TIAM1: variants seen among roughly 807,000 people sequenced by gnomAD.
The protein encoded by TIAM1 is TIAM Rac1 associated GEF 1, also known as rho guanine nucleotide exchange factor TIAM1.
In TIAM1, 65 loss-of-function variants were observed where a neutral mutation model predicts 163.5. That is an observed-to-expected ratio of 0.40 (90% confidence interval 0.33 to 0.49). The LOEUF is 0.49. Ranked by LOEUF, TIAM1 falls within the 20% of genes least tolerant of loss-of-function variation. The probability of loss-of-function intolerance (pLI) is 0.77; values close to 1 mark genes in which losing one functional copy is unlikely to be tolerated. For missense variants in TIAM1, 1,789 were observed against 2,044.7 expected (o/e 0.87, Z 2.41); for synonymous variants, 833 against 810.1 (o/e 1.03, Z -0.48).
chr21:31,232,925 G>T (rs1354208146), intron 6 of TIAM1, among the ~76,000 whole-genome samples: 1 of 151,776 alleles, frequency 6.6e-6, no homozygotes, highest in Non-Finnish European at 1.5e-5. Flanking sequence ...ATACAGTTCG[G>T]TGAAGGGAAT....
chr21:31,474,818 T>G (rs992339081), intron 1 of TIAM1, among the ~76,000 whole-genome samples: 4 of 151,932 alleles, frequency 2.6e-5, no homozygotes, highest in Non-Finnish European at 4.4e-5. Context: ...AGTGCTGGGA[T>G]TACAGGCCAC....
intron 4 of TIAM1, among the ~76,000 whole-genome samples, chr21:31,261,866 G>A (rs2072494345): frequency 6.6e-6 from 1 of 152,120 alleles, no homozygotes; most frequent in South Asian, 2.1e-4. Flanking sequence ...CCGAGAGCCG[G>A]GCTCCTTGCT....
At chr21:31,388,489 GAAATA>G (rs112227562) in intron 2 of TIAM1, among the ~76,000 whole-genome samples, 14 of 150,218 alleles carry the variant, frequency 9.3e-5, no homozygotes, top group African/African-American at 3.2e-4. Context: ...AAAAATAAAT[GAAATA>G]AAATAAAATA....
At chr21:31,348,466 T>G (rs1490768836), upstream of TIAM1, among the ~76,000 whole-genome samples, 1 of 152,186 alleles carries the variant, frequency 6.6e-6, no homozygotes, top group Non-Finnish European at 1.5e-5. Flanking sequence ...CACCGTCAAA[T>G]TACCTGAATC....
chr21:31,478,499 G>A (rs1363535113), intron 1 of TIAM1, among the ~76,000 whole-genome samples: 4 of 152,132 alleles, frequency 2.6e-5, no homozygotes, highest in South Asian at 2.1e-4. Context: ...ATATCCTGGC[G>A]ACTTGCTTTT....
intron 2 of TIAM1, among the ~76,000 whole-genome samples, chr21:31,383,491 C>T (rs939524746): frequency 1.3e-5 from 2 of 152,188 alleles, no homozygotes; most frequent in Non-Finnish European, 1.5e-5. Context: ...CCTCTTCACA[C>T]TTCAACAGTT....
intron 1 of TIAM1, among the ~76,000 whole-genome samples, chr21:31,543,439 T>G (rs1356399744): frequency 6.6e-6 from 1 of 152,186 alleles, no homozygotes; most frequent in African/African-American, 2.4e-5. Flanking sequence ...GGCTGAGACC[T>G]TGCCATCTAA....
chr21:31,539,818 T>C (rs530059041), intron 1 of TIAM1, among the ~76,000 whole-genome samples: 259 of 152,244 alleles, frequency 1.7e-3, no homozygotes, highest in Non-Finnish European at 2.7e-3. Context: ...TCTAATCTCT[T>C]TGCTTCTCCA....
At chr21:31,302,850 T>A (rs187389871) in intron 2 of TIAM1, among the ~76,000 whole-genome samples, 80 of 152,350 alleles carry the variant, frequency 5.3e-4, no homozygotes, top group African/African-American at 1.5e-3. Flanking sequence ...TCCTAATTGA[T>A]GTTGCTTGAA....
At chr21:31,519,685 AG>A (rs2047514052) in intron 1 of TIAM1, among the ~76,000 whole-genome samples, 1 of 152,310 alleles carries the variant, frequency 6.6e-6, no homozygotes, top group East Asian at 1.9e-4. Flanking sequence ...GATAAGCAAA[AG>A]GTGGCATATC....
At chr21:31,436,272 T>C (rs1437630891) in intron 2 of TIAM1, among the ~76,000 whole-genome samples, 2 of 152,224 alleles carry the variant, frequency 1.3e-5, no homozygotes, top group African/African-American at 4.8e-5. Context: ...TGTCCACCAC[T>C]GCCTCTGGCA....
At chr21:31,337,826 G>A (rs551103166) in intron 2 of TIAM1, among the ~76,000 whole-genome samples, 22 of 151,976 alleles carry the variant, frequency 1.4e-4, no homozygotes, top group South Asian at 8.3e-4. Context: ...CACCACACCC[G>A]GCCTATTATT....
At chr21:31,379,782 T>C (rs2076747098) in intron 2 of TIAM1, among the ~76,000 whole-genome samples, 1 of 152,182 alleles carries the variant, frequency 6.6e-6, no homozygotes, top group Admixed American at 6.5e-5. Flanking sequence ...AAAGACTCCA[T>C]ACTGCATAAT....
chr21:31,544,886 G>A (rs964886265), intron 1 of TIAM1, among the ~76,000 whole-genome samples: 4 of 152,094 alleles, frequency 2.6e-5, no homozygotes, highest in Admixed American at 6.5e-5. Flanking sequence ...GGCAGCATGC[G>A]CCTGTATTCC....
intron 11 of TIAM1, among the ~76,000 whole-genome samples, chr21:31,204,181 T>G (rs972405090): frequency 3.9e-5 from 6 of 152,212 alleles, no homozygotes; most frequent in African/African-American, 1.4e-4. Context: ...AGAAAATGTT[T>G]AAACCAAGTG....
chr21:31,428,035 G>A (rs2043861008), intron 2 of TIAM1, among the ~76,000 whole-genome samples: 1 of 152,156 alleles, frequency 6.6e-6, no homozygotes, highest in Admixed American at 6.5e-5. Flanking sequence ...GCCGAAGCGG[G>A]TGGATCACCT....
chr21:31,514,420 T>C (rs1204301927), intron 1 of TIAM1, among the ~76,000 whole-genome samples: 1 of 151,792 alleles, frequency 6.6e-6, no homozygotes, highest in African/African-American at 2.4e-5. Flanking sequence ...AAAAATCATA[T>C]TGATTTTTGA....
chr21:31,281,199 G>T (rs913545059), intron 2 of TIAM1, among the ~76,000 whole-genome samples: 3 of 151,286 alleles, frequency 2.0e-5, no homozygotes, highest in Admixed American at 6.6e-5. Context: ...AAAGGATACT[G>T]TATTGTATTT....
intron 2 of TIAM1, among the ~76,000 whole-genome samples, chr21:31,284,328 A>G (rs1350304883): frequency 1.3e-5 from 2 of 152,060 alleles, no homozygotes; most frequent in African/African-American, 4.8e-5. Flanking sequence ...CCAACAACTC[A>G]TTTTCCAAAA....
Sources: gnomAD v4.1 joint callset for allele counts (sites outside exome capture counted in the v4.1 genomes callset) on GRCh38, gnomAD v4.1.1 for gene constraint, MANE v1.5 for transcripts, NCBI Gene and HGNC (gene_info 2026-07-23, HGNC 2026-07-21) for gene names.